Variants in SLC10A7 observed in about 807,000 individuals in gnomAD.
SLC10A7 encodes solute carrier family 10 member 7.
SLC10A7 carries 29 observed loss-of-function variants against 43.2 expected under a neutral mutation model. The ratio of observed to expected loss-of-function variants is 0.67; its 90% CI spans 0.50 to 0.92. The LOEUF (loss-of-function observed/expected upper bound fraction) is 0.92, where lower values mean the gene tolerates loss of function less well. Among genes scored for constraint, SLC10A7 ranks in the 40% least tolerant of loss-of-function variants. The pLI is 0.00. For synonymous variants in SLC10A7, 152 were observed against 144.8 expected (o/e 1.05, Z -0.35); for missense variants, 295 against 403.2 (o/e 0.73, Z 2.30).
intron 1 of SLC10A7, among the ~76,000 whole-genome samples, chr4:146,519,106 T>TATATATATA (rs1738338075): frequency 2.2e-4 from 5 of 22,596 alleles, no homozygotes; most frequent in African/African-American, 1.6e-3. Context: ...TATATATATA[T>TATATATATA]ATATATAATA....
At chr4:146,398,219 C>T (rs1184974113) in intron 5 of SLC10A7, among the ~76,000 whole-genome samples, 3 of 152,110 alleles carry the variant, frequency 2.0e-5, no homozygotes, top group African/African-American at 7.2e-5. Flanking sequence ...TACAATTTGA[C>T]ATTTATTTTG....
rs74763946 is a variant in SLC10A7 at position 146,501,442 on chromosome 4, G to A, written c.396+2407C>T. ...TGGTAAGGCCATATGACTTATTCTG[G>A]CCAATTTAATGTGAGCAGAAGTGCC... On this transcript the variant is annotated intron_variant, in intron 4 of 11. Transcript: ENST00000335472. Among the ~76,000 whole-genome samples the A allele has an allele frequency of 1.3e-3, 192 of 152,230 alleles. 2 individuals are homozygous for A. The South Asian group carries it at 0.025, about 20-fold the overall frequency.
At position 146,255,302 on chromosome 4, in the gene SLC10A7, T is replaced by G. The variant is rs935686051; in HGVS notation, c.*1189A>C. On this transcript the variant is annotated 3_prime_UTR_variant, in exon 12 of 12. Transcript: ENST00000335472. ...CACTCATTTGAAAGCTGCTGCCCCGTTGGGAACTAATTTTACTTGATATTT... is the reference window on the plus strand; with the variant it reads ...CACTCATTTGAAAGCTGCTGCCCCGGTGGGAACTAATTTTACTTGATATTT... The G allele has an allele frequency of 6.6e-5, 10 of 152,652 alleles. No individual in the cohort carries two copies. Among genetic ancestry groups the G allele is most frequent in the African/African-American group, 2.2e-4 (9 of 41,440 alleles). The allele number at this position is 152,652 out of a possible 1,614,324, so 9.5% of individuals were successfully genotyped here.
intron 10 of SLC10A7, among the ~76,000 whole-genome samples, chr4:146,261,936 CTTTAT>C (rs753730828): frequency 1.3e-5 from 2 of 152,266 alleles, no homozygotes; most frequent in South Asian, 2.1e-4. Flanking sequence ...TTTTAGGAAA[CTTTAT>C]TTTATTTCAG....
chr4:146,438,866 T>A (rs1382962763), intron 5 of SLC10A7, among the ~76,000 whole-genome samples: 3 of 152,086 alleles, frequency 2.0e-5, no homozygotes, highest in African/African-American at 7.2e-5. Flanking sequence ...ATCTATTTTT[T>A]AAAAACTGAA....
rs1456913565 is a variant in SLC10A7, at chr4:146,509,894, T to G, written c.320+19A>C. The G allele has an allele frequency of 3.1e-6, 5 of 1,604,652 alleles. No homozygotes were observed. Among genetic ancestry groups the G allele is most frequent in the Middle Eastern group, 1.7e-4 (1 of 6,004 alleles). ...ATGCCCCATTAAAAGTGGACCCACT[T>G]TTAAAGATTTAAACATACCCTTTTA... is the stretch of plus-strand genomic sequence containing the variant. On this transcript the variant is annotated intron_variant, in intron 3 of 11. Coordinates refer to ENST00000335472, the MANE Select transcript of SLC10A7 (RefSeq NM_001029998.6).
chr4:146,472,983 G>A (rs1046000681), intron 4 of SLC10A7, among the ~76,000 whole-genome samples: 2 of 152,154 alleles, frequency 1.3e-5, no homozygotes, highest in Admixed American at 6.5e-5. Context: ...CTTGGTCACC[G>A]GTTGTCTAAA....
intron 5 of SLC10A7, among the ~76,000 whole-genome samples, chr4:146,372,559 A>T (rs901378825): frequency 1.3e-5 from 2 of 152,128 alleles, no homozygotes; most frequent in African/African-American, 4.8e-5. Context: ...TGTTTTACTC[A>T]TATTGCCCAC....
intron 4 of SLC10A7, among the ~76,000 whole-genome samples, chr4:146,446,575 CAAAA>C (rs11300760): frequency 4.7e-5 from 6 of 128,072 alleles, no homozygotes; most frequent in Admixed American, 7.8e-5. Context: ...GACCCTGTCT[CAAAA>C]AAAAAAAAAA....
Position 146,502,541 on chromosome 4 carries a change from G to A in SLC10A7, c.396+1308C>T, listed in dbSNP as rs371922254. On this transcript the variant is annotated intron_variant, in intron 4 of 11. Transcript: ENST00000335472. Reference sequence around the variant, plus strand: ...CACTCCTAGGTATTTCCAAGGAAACGGGGGTATATTATATATAAACTTAAG... The same window carrying A: ...CACTCCTAGGTATTTCCAAGGAAACAGGGGTATATTATATATAAACTTAAG... Among the ~76,000 whole-genome samples, 6 of 149,702 alleles carry A rather than the reference G, an allele frequency of 4.0e-5. No individual in the cohort carries two copies. The South Asian group carries it at 8.6e-4, about 21-fold the overall frequency.
rs1727840759 is a variant in SLC10A7, at chr4:146,255,435, C to T, written c.*1056G>A. ...TTATATTTTCATTTATTCATGAAAG[C>T]AATATGATTTAACTTCTAAAAAAAT... On this transcript the variant is annotated 3_prime_UTR_variant, in exon 12 of 12. Transcript: ENST00000335472. The T allele has an allele frequency of 6.6e-6, 1 of 152,568 alleles. No homozygotes were observed. The highest frequency in any genetic ancestry group is 2.1e-4 in the South Asian group (1 of 4,830). The allele number at this position is 152,568 out of a possible 1,614,324, so 9.5% of individuals were successfully genotyped here.
intron 5 of SLC10A7, among the ~76,000 whole-genome samples, chr4:146,383,321 T>C (rs1310502468): frequency 6.6e-6 from 1 of 152,134 alleles, no homozygotes; most frequent in Non-Finnish European, 1.5e-5. Flanking sequence ...AAGGACTTCC[T>C]AGAACTAAAT....
chr4:146,326,074 G>A (rs1733083679), intron 5 of SLC10A7, 78 bp from the exon 6 acceptor site: 1 of 1,268,062 alleles, frequency 7.9e-7, no homozygotes, highest in African/African-American at 1.5e-5. Context: ...TAAACTCTGA[G>A]GCATAGGAGT....
In SLC10A7 at chr4:146,363,997, A is replaced by C. The variant is rs1378505397; in HGVS notation, c.436-38001T>G. ...AAATTAATAGAGGAAAAGAAAAGAT[A>C]AAGATCAAAGCAGAAACAAATAAAA... is the stretch of plus-strand genomic sequence containing the variant. On this transcript the variant is annotated intron_variant, in intron 5 of 11. Coordinates refer to ENST00000335472, the MANE Select transcript of SLC10A7 (RefSeq NM_001029998.6). 3.9e-5 allele frequency among the ~76,000 whole-genome samples: 6 copies of C among 152,082 alleles called. No individual in the cohort carries two copies. The South Asian group carries it at 1.2e-3, about 31-fold the overall frequency.
chr4:146,400,541 C>T (rs577786574), intron 5 of SLC10A7, among the ~76,000 whole-genome samples: 1 of 152,088 alleles, frequency 6.6e-6, no homozygotes. Context: ...AGTGACTTAT[C>T]GAAACGTTTT....
At chr4:146,366,816 G>A (rs2149772023) in intron 5 of SLC10A7, among the ~76,000 whole-genome samples, 1 of 152,136 alleles carries the variant, frequency 6.6e-6, no homozygotes, top group East Asian at 1.9e-4. Context: ...TTTACTTTAA[G>A]TCACTGCAGC....
At chr4:146,394,896 C>T (rs569095801) in intron 5 of SLC10A7, among the ~76,000 whole-genome samples, 7 of 152,208 alleles carry the variant, frequency 4.6e-5, no homozygotes, top group African/African-American at 1.2e-4. Context: ...AAAACTCATG[C>T]CTTTTTAGAA....
chr4:146,458,679 T>C (rs1205145894), intron 4 of SLC10A7, among the ~76,000 whole-genome samples: 3 of 151,864 alleles, frequency 2.0e-5, no homozygotes, highest in East Asian at 3.9e-4. Context: ...TATCCAATCA[T>C]TGTAAAGGTT....
At chr4:146,313,930 T>C (rs1732151688) in intron 6 of SLC10A7, among the ~76,000 whole-genome samples, 1 of 152,200 alleles carries the variant, frequency 6.6e-6, no homozygotes, top group African/African-American at 2.4e-5. Context: ...CTGCTTCTTT[T>C]TCCTCTTACC....
Sources: allele counts gnomAD v4.1 joint callset (sites outside exome capture counted in the v4.1 genomes callset), GRCh38; gene constraint gnomAD v4.1.1; transcripts MANE v1.5; gene names NCBI Gene and HGNC (gene_info 2026-07-23, HGNC 2026-07-21).